Variants in IGF1 observed in about 807,000 individuals in gnomAD.
IGF1 encodes the protein insulin like growth factor 1, also known as insulin-like growth factor 1.
Under a neutral mutation model 13.8 loss-of-function variants are expected in IGF1, and 4 were observed. The ratio of observed to expected loss-of-function variants is 0.29; its 90% confidence interval spans 0.14 to 0.66. The LOEUF (loss-of-function observed/expected upper bound fraction) is 0.66. IGF1 is among the 30% of genes least tolerant of loss of function. The pLI is 0.78. For synonymous variants in IGF1, 76 were observed against 72.6 expected (o/e 1.05, Z -0.23); for missense variants, 124 against 188.5 (o/e 0.66, Z 2.00).
At chr12:102,430,691 C>T (rs1876660853) in intron 2 of IGF1, among the ~76,000 whole-genome samples, 1 of 152,210 alleles carries the variant, frequency 6.6e-6, no homozygotes, top group Non-Finnish European at 1.5e-5. Context: ...TTTTTCTTCT[C>T]AAACGACTTG....
intron 2 of IGF1, among the ~76,000 whole-genome samples, chr12:102,440,303 C>T (rs1877604270): frequency 6.6e-6 from 1 of 152,140 alleles, no homozygotes; most frequent in South Asian, 2.1e-4. Flanking sequence ...TGATGGGCCT[C>T]CCCAAATACT....
intron 2 of IGF1, among the ~76,000 whole-genome samples, chr12:102,454,749 TG>T (rs1448893006): frequency 1.3e-5 from 2 of 152,230 alleles, no homozygotes; most frequent in African/African-American, 4.8e-5. Flanking sequence ...GGCAAATGTT[TG>T]CTGCAGATCC....
chr12:102,451,308 GTA>G (rs1201069097), intron 2 of IGF1, among the ~76,000 whole-genome samples: 3 of 152,190 alleles, frequency 2.0e-5, no homozygotes, highest in African/African-American at 7.2e-5. Flanking sequence ...GATAATTTCA[GTA>G]TATCTCAAAC....
intron 2 of IGF1, among the ~76,000 whole-genome samples, chr12:102,433,989 G>A (rs188451090): frequency 4.6e-5 from 7 of 152,242 alleles, no homozygotes; most frequent in Middle Eastern, 3.4e-3. Context: ...TGATTGTGAC[G>A]TTGTGTGGTG....
chr12:102,462,484 C>A (rs769756832), intron 2 of IGF1, among the ~76,000 whole-genome samples: 10 of 152,084 alleles, frequency 6.6e-5, no homozygotes, highest in Non-Finnish European at 1.0e-4. Flanking sequence ...TGCTTTTGTG[C>A]AATGTTACTG....
intron 3 of IGF1, among the ~76,000 whole-genome samples, chr12:102,416,284 A>G (rs1299681298): frequency 1.3e-5 from 2 of 152,172 alleles, no homozygotes; most frequent in Admixed American, 1.3e-4. Context: ...CTAATTCACA[A>G]CTTGGAGGAT....
intron 2 of IGF1, among the ~76,000 whole-genome samples, chr12:102,458,345 A>T (rs1879597636): frequency 6.6e-6 from 1 of 152,166 alleles, no homozygotes; most frequent in East Asian, 1.9e-4. Flanking sequence ...GGATTTGCTG[A>T]TGCTCCTCAT....
At chr12:102,426,086 A>C (rs1876177064) in intron 2 of IGF1, among the ~76,000 whole-genome samples, 2 of 152,232 alleles carry the variant, frequency 1.3e-5, no homozygotes, top group African/African-American at 4.8e-5. Context: ...TGTATTATTT[A>C]GAACATATTA....
At chr12:102,416,925 T>C (rs1207908292) in intron 3 of IGF1, among the ~76,000 whole-genome samples, 2 of 152,320 alleles carry the variant, frequency 1.3e-5, no homozygotes, top group South Asian at 2.1e-4. Flanking sequence ...CCAACCTGGC[T>C]GGTGTTGTTT....
At position 102,480,454 on chromosome 12, in the gene IGF1, T is replaced by C; in HGVS notation, c.-73A>G. On this transcript the variant is annotated 5_prime_UTR_variant, in exon 1 of 4. Coordinates refer to ENST00000337514, the MANE Select transcript of IGF1 (RefSeq NM_000618.5). Reference sequence around the variant, plus strand: ...TGAAGCAAAAAGAAATCCAGAGAGATGGGAGATGTTGAGAGCAATGTCACA... The same window carrying C: ...TGAAGCAAAAAGAAATCCAGAGAGACGGGAGATGTTGAGAGCAATGTCACA... 6.2e-7 allele frequency: 1 copy of C among 1,607,662 alleles called. No homozygotes were observed. Among genetic ancestry groups the C allele is most frequent in the Non-Finnish European group, 8.5e-7 (1 of 1,177,606 alleles).
At chr12:102,420,401 T>C (rs1875598969) in intron 2 of IGF1, among the ~76,000 whole-genome samples, 1 of 152,214 alleles carries the variant, frequency 6.6e-6, no homozygotes, top group Non-Finnish European at 1.5e-5. Context: ...AATAATATCT[T>C]CCTTGTAAGA....
intron 1 of IGF1, among the ~76,000 whole-genome samples, chr12:102,477,362 C>A (rs569659959): frequency 1.3e-5 from 2 of 151,344 alleles, no homozygotes; most frequent in Non-Finnish European, 2.9e-5. Flanking sequence ...AGATGAAAAG[C>A]GCCCTCTATT....
intron 1 of IGF1, among the ~76,000 whole-genome samples, chr12:102,477,836 A>G (rs989039190): frequency 1.3e-5 from 2 of 152,146 alleles, no homozygotes; most frequent in South Asian, 2.1e-4. Flanking sequence ...AAATCCAGGG[A>G]AAAAAATTAC....
intron 2 of IGF1, among the ~76,000 whole-genome samples, chr12:102,466,383 G>A (rs1322412453): frequency 5.9e-5 from 9 of 152,072 alleles, no homozygotes; most frequent in Non-Finnish European, 1.3e-4. Context: ...GGTACATTTG[G>A]CAATGTCTGC....
intron 2 of IGF1, among the ~76,000 whole-genome samples, chr12:102,429,304 A>G (rs1460503813): frequency 6.6e-6 from 1 of 152,166 alleles, no homozygotes; most frequent in African/African-American, 2.4e-5. Context: ...TTGCTTAAAC[A>G]TGACCATGAA....
intron 2 of IGF1, among the ~76,000 whole-genome samples, chr12:102,435,541 A>G (rs1220078092): frequency 6.6e-6 from 1 of 152,210 alleles, no homozygotes; most frequent in Non-Finnish European, 1.5e-5. Flanking sequence ...TGCATCAGCC[A>G]TTTCAACAAC....
intron 3 of IGF1, among the ~76,000 whole-genome samples, chr12:102,408,334 A>G (rs1177915104): frequency 2.6e-5 from 4 of 152,168 alleles, no homozygotes; most frequent in Non-Finnish European, 1.5e-5. Flanking sequence ...TACTTCAGGG[A>G]ATCACAAGTT....
intron 2 of IGF1, among the ~76,000 whole-genome samples, chr12:102,467,192 C>T (rs1005848931): frequency 1.3e-5 from 2 of 152,130 alleles, no homozygotes; most frequent in Non-Finnish European, 2.9e-5. Context: ...CAATACTCTC[C>T]GGATTGCTTC....
intron 2 of IGF1, among the ~76,000 whole-genome samples, chr12:102,437,687 A>G (rs531567017): frequency 6.6e-6 from 1 of 152,316 alleles, no homozygotes; most frequent in East Asian, 1.9e-4. Flanking sequence ...AAGAGGAATA[A>G]TTTCTGGTGT....
Sources: gnomAD v4.1 joint callset for allele counts (sites outside exome capture counted in the v4.1 genomes callset) on GRCh38, gnomAD v4.1.1 for gene constraint, MANE v1.5 for transcripts, NCBI Gene and HGNC (gene_info 2026-07-23, HGNC 2026-07-21) for gene names.